PPP2R3A: variants seen among roughly 807,000 people sequenced by gnomAD.
PPP2R3A encodes protein phosphatase 2 regulatory subunit B''alpha, also known as serine/threonine-protein phosphatase 2A regulatory subunit B'' subunit alpha.
A neutral mutation model predicts 106.9 loss-of-function variants in PPP2R3A; 80 were observed. The observed-to-expected ratio is 0.75, with a 90% CI of 0.62 to 0.90. PPP2R3A has a LOEUF of 0.90. Ranked by LOEUF, PPP2R3A falls within the 40% of genes least tolerant of loss-of-function variation. The pLI, the probability that PPP2R3A is intolerant of heterozygous loss-of-function variation, is 0.00. For synonymous variants in PPP2R3A, 483 were observed against 468.3 expected, an observed-to-expected ratio of 1.03 and a Z score of -0.41; for missense variants, 1,386 against 1,350.4, an observed-to-expected ratio of 1.03 and a Z score of -0.41.
intron 1 of PPP2R3A, among the ~76,000 whole-genome samples, chr3:135,971,241 T>C (rs1937238125): frequency 6.6e-6 from 1 of 152,172 alleles, no homozygotes. Context: ...TGGATGTAAG[T>C]TGGAGATGTA....
At chr3:136,127,941 T>A (rs933604524) in intron 13 of PPP2R3A, among the ~76,000 whole-genome samples, 4 of 151,982 alleles carry the variant, frequency 2.6e-5, no homozygotes, top group Admixed American at 2.6e-4. Context: ...AGAAAGAAAA[T>A]CCTTTACAGC....
chr3:136,033,507 G>A (rs539710595), intron 3 of PPP2R3A, among the ~76,000 whole-genome samples: 9 of 152,250 alleles, frequency 5.9e-5, no homozygotes, highest in East Asian at 3.9e-4. Flanking sequence ...CTGTGAATCC[G>A]TCTGTCCTTG....
At chr3:136,013,166 G>C (rs949339387) in intron 2 of PPP2R3A, among the ~76,000 whole-genome samples, 5 of 113,192 alleles carry the variant, frequency 4.4e-5, no homozygotes, top group African/African-American at 1.6e-4. Context: ...TGGTGTGTGT[G>C]TGTGTGTGTG....
At chr3:135,982,833 G>A (rs761884873) in intron 1 of PPP2R3A, among the ~76,000 whole-genome samples, 3 of 152,046 alleles carry the variant, frequency 2.0e-5, no homozygotes, top group Non-Finnish European at 2.9e-5. Context: ...ATTTCCTGCC[G>A]AAATTATGGC....
intron 6 of PPP2R3A, among the ~76,000 whole-genome samples, chr3:136,075,612 A>T (rs1261831572): frequency 2.6e-5 from 4 of 152,238 alleles, no homozygotes; most frequent in Non-Finnish European, 5.9e-5. Flanking sequence ...TGCAGATTTT[A>T]AAAATTCAAA....
intron 13 of PPP2R3A, among the ~76,000 whole-genome samples, chr3:136,114,787 G>A (rs1937677203): frequency 6.6e-6 from 1 of 152,224 alleles, no homozygotes; most frequent in Non-Finnish European, 1.5e-5. Flanking sequence ...TACAGTCAGG[G>A]ACTTAGAGAT....
At chr3:136,017,344 C>A (rs1412512703) in intron 2 of PPP2R3A, among the ~76,000 whole-genome samples, 2 of 152,198 alleles carry the variant, frequency 1.3e-5, no homozygotes, top group African/African-American at 4.8e-5. Context: ...ATATCTAGAT[C>A]TCTAGCAACG....
chr3:136,032,657 C>T (rs1456503342), intron 3 of PPP2R3A, among the ~76,000 whole-genome samples: 2 of 152,070 alleles, frequency 1.3e-5, no homozygotes, highest in Non-Finnish European at 2.9e-5. Flanking sequence ...GCCTCAGCCT[C>T]CCAAGTAGCT....
intron 13 of PPP2R3A, among the ~76,000 whole-genome samples, chr3:136,129,267 C>G (rs1294859395): frequency 1.3e-5 from 2 of 150,616 alleles, no homozygotes; most frequent in African/African-American, 4.9e-5. Flanking sequence ...AATTGATACA[C>G]CTCTACCAAG....
chr3:136,084,852 T>C (rs1409222159), intron 8 of PPP2R3A, among the ~76,000 whole-genome samples: 1 of 152,246 alleles, frequency 6.6e-6, no homozygotes, highest in African/African-American at 2.4e-5. Flanking sequence ...CCCCTTTGTT[T>C]TGACTGATTT....
chr3:136,049,120 A>C lies in PPP2R3A; in HGVS notation c.2367-139A>C, dbSNP rs558449878. 3 of 643,428 alleles carry C rather than the reference A, an allele frequency of 4.7e-6. No homozygotes were observed. The Admixed American group carries it at 8.7e-5, about 19-fold the overall frequency. 39.9% of individuals were successfully genotyped at this position (643,428 alleles called of 1,614,324 possible). A position where few individuals can be genotyped will look rare whatever the true frequency, so the allele number is the denominator to read the frequency against. On this transcript the variant is annotated intron_variant, in intron 4 of 13. Coordinates refer to ENST00000264977, the MANE Select transcript of PPP2R3A (RefSeq NM_002718.5). The stretch of plus-strand genomic sequence containing the variant: ...TATAGACAGCTCATCATTCTAAAAC[A>C]TCCTTTGATTATGTAAATTCCTTAC...
intron 5 of PPP2R3A, chr3:136,055,294 G>C (rs1935823419): frequency 1.1e-6 from 1 of 884,460 alleles, no homozygotes; most frequent in South Asian, 1.3e-5. Context: ...AGTCTGTTGT[G>C]TTGGTGAAAG....
At chr3:136,043,886 C>T (rs1444626344) in intron 4 of PPP2R3A, among the ~76,000 whole-genome samples, 1 of 152,172 alleles carries the variant, frequency 6.6e-6, no homozygotes, top group Non-Finnish European at 1.5e-5. Context: ...ATCTTTTCTC[C>T]TGCCATAGAG....
chr3:136,083,813 G>A (rs547520218), intron 8 of PPP2R3A, among the ~76,000 whole-genome samples: 2 of 152,318 alleles, frequency 1.3e-5, no homozygotes, highest in South Asian at 4.1e-4. Flanking sequence ...AACTTGTTGG[G>A]AACTGGAGTA....
intron 2 of PPP2R3A, 103 bp from the exon 3 acceptor site, chr3:136,026,729 C>G: frequency 1.8e-6 from 2 of 1,091,494 alleles, no homozygotes; most frequent in Non-Finnish European, 2.6e-6. Context: ...AGCCCTTAAT[C>G]TCTCCTGTCT....
intron 3 of PPP2R3A, among the ~76,000 whole-genome samples, chr3:136,032,617 C>T (rs1934939472): frequency 6.6e-6 from 1 of 151,812 alleles, no homozygotes. Flanking sequence ...AGACTGCAAG[C>T]TCTGCCTCCC....
At chr3:136,042,645 A>G (rs529587567) in intron 4 of PPP2R3A, among the ~76,000 whole-genome samples, 104 of 152,368 alleles carry the variant, frequency 6.8e-4, no homozygotes, top group Middle Eastern at 6.8e-3. Context: ...GAAAGACATG[A>G]AGTACAAGTC....
intron 5 of PPP2R3A, among the ~76,000 whole-genome samples, chr3:136,059,976 T>C (rs1936021172): frequency 6.6e-6 from 1 of 152,056 alleles, no homozygotes; most frequent in Admixed American, 6.6e-5. Context: ...CTGGGTCCTG[T>C]TGAAGGTTGG....
At chr3:135,988,312 C>G (rs1468219105) in intron 1 of PPP2R3A, among the ~76,000 whole-genome samples, 1 of 151,190 alleles carries the variant, frequency 6.6e-6, no homozygotes, top group Non-Finnish European at 1.5e-5. Flanking sequence ...TCTCTGTTTT[C>G]TATAAAACCC....
Sources: gnomAD v4.1 joint callset for allele counts (sites outside exome capture counted in the v4.1 genomes callset) on GRCh38, gnomAD v4.1.1 for gene constraint, MANE v1.5 for transcripts, NCBI Gene and HGNC (gene_info 2026-07-23, HGNC 2026-07-21) for gene names.